Variants in PDE4C observed in about 807,000 individuals in gnomAD.
The protein encoded by PDE4C is phosphodiesterase 4C.
A neutral mutation model predicts 63.9 loss-of-function variants in PDE4C; 50 were observed. The ratio of observed to expected loss-of-function variants is 0.78; its 90% CI spans 0.62 to 0.99. The LOEUF (loss-of-function observed/expected upper bound fraction) is 0.99. Ranked by LOEUF, PDE4C falls within the 50% of genes least tolerant of loss-of-function variation. The probability of loss-of-function intolerance (pLI) is 0.00; values close to 1 mark genes in which losing one functional copy is unlikely to be tolerated. For synonymous variants in PDE4C, 377 were observed against 385.1 expected (o/e 0.98, Z 0.25); for missense variants, 777 against 899.1 (o/e 0.86, Z 1.74).
upstream of PDE4C, among the ~76,000 whole-genome samples, chr19:18,238,472 A>C (rs937182759): frequency 1.3e-5 from 2 of 151,698 alleles, no homozygotes; most frequent in Non-Finnish European, 2.9e-5. Flanking sequence ...TCCTGACCTC[A>C]AGTGATCTGC....
chr19:18,253,563 AAC>A, the PDE4C span, among the ~76,000 whole-genome samples: 1 of 141,750 alleles, frequency 7.1e-6, no homozygotes, highest in Admixed American at 7.0e-5. Context: ...AAAAAAAAAA[AAC>A]ACACACACAC....
upstream of PDE4C, among the ~76,000 whole-genome samples, chr19:18,235,595 C>A (rs1164689218): frequency 4.6e-5 from 7 of 152,196 alleles, no homozygotes; most frequent in Non-Finnish European, 1.0e-4. Flanking sequence ...CCTTCCTAGT[C>A]TCCTTGGTCT....
chr19:18,244,023 CTT>C (rs906446721), intron 1 of PDE4C, among the ~76,000 whole-genome samples: 1 of 150,824 alleles, frequency 6.6e-6, no homozygotes, highest in Non-Finnish European at 1.5e-5. Context: ...CCAGGCTAAT[CTT>C]TTTTTTTATT....
At chr19:18,212,346 G>C (rs1293374585) in intron 13 of PDE4C, among the ~76,000 whole-genome samples, 1 of 151,938 alleles carries the variant, frequency 6.6e-6, no homozygotes, top group Non-Finnish European at 1.5e-5. Flanking sequence ...ACCATGCCTG[G>C]CTAATTTTTG....
exon 15 of PDE4C, chr19:18,211,162 T>G: frequency 6.2e-7 from 1 of 1,614,160 alleles, no homozygotes; most frequent in African/African-American, 1.3e-5. Context: ...GGGATCTTGC[T>G]CTGGTACCAC....
upstream of PDE4C, among the ~76,000 whole-genome samples, chr19:18,236,392 T>G (rs1330636437): frequency 6.6e-6 from 1 of 151,924 alleles, no homozygotes; most frequent in Non-Finnish European, 1.5e-5. Context: ...ACAACTAATT[T>G]TTGTATTTTT....
At chr19:18,233,369 G>A in exon 1 of PDE4C, 1 of 811,532 alleles carries the variant, frequency 1.2e-6, no homozygotes, top group Non-Finnish European at 2.1e-6. Flanking sequence ...AGGTGGGGCC[G>A]ACACCGAGGA....
rs1373278005 is a variant in PDE4C, at chr19:18,220,887, C to A, written c.486G>T (p.Gln162His). The change falls in exon 5 of 15, where the codon CAG (glutamine) becomes CAT (histidine). Residue 162 changes from glutamine (Q) to histidine (H), a missense_variant. Coordinates refer to ENST00000262805, the Ensembl canonical transcript of PDE4C. The surrounding 1 kb of genome is among the most constrained non-coding windows in gnomAD (Gnocchi z 5.1). ...CAGGTACTTTACCTGCAGGAGGGAGCTGATTGCTGGATGAAGGGTTTCCGA... is the reference window on the plus strand; with the variant it reads ...CAGGTACTTTACCTGCAGGAGGGAGATGATTGCTGGATGAAGGGTTTCCGA... 1 of 1,608,700 alleles carries A rather than the reference C, an allele frequency of 6.2e-7. No individual in the cohort carries two copies. The highest frequency in any genetic ancestry group is 1.7e-5 in the Admixed American group (1 of 59,038).
At chr19:18,232,891 C>T in intron 1 of PDE4C, 1 of 1,416,320 alleles carries the variant, frequency 7.1e-7, no homozygotes, top group Non-Finnish European at 9.2e-7. Context: ...CCCCCACTCC[C>T]GCCAGGCCCC....
intron 1 of PDE4C, among the ~76,000 whole-genome samples, chr19:18,225,008 G>A (rs62120393): frequency 0.3 from 45,007 of 152,188 alleles, 7,060 homozygotes; most frequent in Non-Finnish European, 0.34. Flanking sequence ...GGCCAGGAGC[G>A]GCCACAGGGC....
At chr19:18,211,898 G>A in exon 14 of PDE4C, 4 of 1,614,236 alleles carry the variant, frequency 2.5e-6, no homozygotes, top group Non-Finnish European at 3.4e-6. Flanking sequence ...CAGCGGCTTG[G>A]TGGGGTTGCT....
intron 1 of PDE4C, among the ~76,000 whole-genome samples, chr19:18,222,706 T>C (rs1179644364): frequency 7.3e-5 from 10 of 136,506 alleles, no homozygotes; most frequent in East Asian, 6.2e-4. Flanking sequence ...TTTTCTTTTT[T>C]TTTTTTTTTT....
At chr19:18,243,640 C>G (rs1969081057) in intron 1 of PDE4C, among the ~76,000 whole-genome samples, 1 of 152,150 alleles carries the variant, frequency 6.6e-6, no homozygotes, top group Non-Finnish European at 1.5e-5. Context: ...GAAGGTGAAA[C>G]AGACCTAACA....
chr19:18,255,088 C>T, the PDE4C span: 1 of 393,118 alleles, frequency 2.5e-6, no homozygotes. The surrounding 1 kb of genome is among the most constrained non-coding windows in gnomAD (Gnocchi z 4.6). Context: ...GAAAACCCAG[C>T]CTTCCTCGGA....
chr19:18,218,270 G>A, intron 10 of PDE4C, 22 bp from the exon 11 acceptor site: 1 of 1,613,766 alleles, frequency 6.2e-7, no homozygotes, highest in Non-Finnish European at 8.5e-7. Context: ...GAGGGCACAG[G>A]CGGTGAGGGG....
chr19:18,252,885 G>T (rs1251512582), upstream of PDE4C, among the ~76,000 whole-genome samples: 1 of 152,176 alleles, frequency 6.6e-6, no homozygotes. Flanking sequence ...GGGATTACAG[G>T]CATAAGCCAT....
exon 15 of PDE4C, chr19:18,211,211 A>C (rs764540611): frequency 6.2e-7 from 1 of 1,613,288 alleles, no homozygotes; most frequent in Non-Finnish European, 8.5e-7. Flanking sequence ...GGTCCTGTGC[A>C]TCTGGGTGGA....
intron 12 of PDE4C, among the ~76,000 whole-genome samples, chr19:18,216,327 C>CAGCTCACT (rs971864489): frequency 2.0e-5 from 3 of 150,588 alleles, no homozygotes; most frequent in Non-Finnish European, 4.4e-5. Context: ...GGTGCGATCT[C>CAGCTCACT]AGCTCACTAG....
chr19:18,210,799 C>T (rs554220055), exon 15 of PDE4C: 56 of 1,447,722 alleles, frequency 3.9e-5, no homozygotes, highest in Non-Finnish European at 4.8e-5. Context: ...TAACTAAGAG[C>T]TTGATTGTCT....
Sources: gnomAD v4.1 joint callset for allele counts (sites outside exome capture counted in the v4.1 genomes callset) on GRCh38, gnomAD v4.1.1 for gene constraint, Gnocchi (gnomAD v3.1) non-coding constraint, MANE v1.5 for transcripts, NCBI Gene and HGNC (gene_info 2026-07-23, HGNC 2026-07-21) for gene names.